Variants in ILRUN observed in about 807,000 individuals in gnomAD.
ILRUN encodes the protein inflammation and lipid regulator with UBA-like and NBR1-like domains.
ILRUN carries 3 observed loss-of-function variants against 33.8 expected under a neutral mutation model. The observed-to-expected ratio is 0.09, with a 90% confidence interval of 0.04 to 0.23. The LOEUF is 0.23. Among genes scored for constraint, ILRUN ranks in the 10% least tolerant of loss-of-function variants. The pLI, the probability that ILRUN is intolerant of heterozygous loss-of-function variation, is 1.00. For synonymous variants in ILRUN, 124 were observed against 138.9 expected (o/e 0.89, Z 0.75); for missense variants, 210 against 375.1 (o/e 0.56, Z 3.64).
intron 3 of ILRUN, among the ~76,000 whole-genome samples, chr6:34,633,844 G>A (rs1302125983): frequency 7.2e-6 from 1 of 138,232 alleles, no homozygotes; most frequent in Non-Finnish European, 1.6e-5. Flanking sequence ...GAGAGGGGAG[G>A]GGAGAGGAGG....
intron 3 of ILRUN, among the ~76,000 whole-genome samples, chr6:34,630,046 C>T (rs1243795560): frequency 6.6e-6 from 1 of 152,142 alleles, no homozygotes; most frequent in Non-Finnish European, 1.5e-5. Context: ...TATCACTACT[C>T]TTGCATTTTG....
intron 3 of ILRUN, among the ~76,000 whole-genome samples, chr6:34,611,767 G>A (rs924230723): frequency 6.6e-6 from 1 of 152,174 alleles, no homozygotes; most frequent in Non-Finnish European, 1.5e-5. Context: ...TAAAAAATCT[G>A]AAGTCTAGAG....
chr6:34,656,048 C>T (rs1762764678), intron 1 of ILRUN, among the ~76,000 whole-genome samples: 1 of 151,960 alleles, frequency 6.6e-6, no homozygotes, highest in Non-Finnish European at 1.5e-5. Flanking sequence ...GCCTGGCCAA[C>T]ATAGTGAAAC....
At chr6:34,614,428 T>TAAAAAAA (rs1457803034) in intron 3 of ILRUN, among the ~76,000 whole-genome samples, 1 of 109,054 alleles carries the variant, frequency 9.2e-6, no homozygotes, top group African/African-American at 4.4e-5. Flanking sequence ...TCTCAAAAAA[T>TAAAAAAA]AATAAAAAAA....
intron 3 of ILRUN, among the ~76,000 whole-genome samples, chr6:34,615,752 G>A (rs1440640906): frequency 6.6e-6 from 1 of 152,168 alleles, no homozygotes; most frequent in Non-Finnish European, 1.5e-5. Context: ...AAGTCCTTTA[G>A]AAGCCTCAAA....
At chr6:34,662,278 C>G (rs1379821233) in intron 1 of ILRUN, among the ~76,000 whole-genome samples, 1 of 146,648 alleles carries the variant, frequency 6.8e-6, no homozygotes, top group South Asian at 2.2e-4. Flanking sequence ...TGCACTCCAG[C>G]CTGGGTGACA....
chr6:34,611,078 CCTTT>C (rs754299089), intron 3 of ILRUN, among the ~76,000 whole-genome samples: 35 of 141,882 alleles, frequency 2.5e-4, no homozygotes, highest in South Asian at 1.7e-3. Flanking sequence ...CCTCTCCTTT[CCTTT>C]CTTTCTTTCT....
intron 1 of ILRUN, among the ~76,000 whole-genome samples, chr6:34,687,866 G>C (rs1047339921): frequency 3.3e-5 from 5 of 151,858 alleles, no homozygotes; most frequent in Admixed American, 2.6e-4. Context: ...TCGTGGAAAA[G>C]AGTTTGGTGA....
chr6:34,647,179 G>T (rs1054917005), intron 2 of ILRUN, among the ~76,000 whole-genome samples: 1 of 152,160 alleles, frequency 6.6e-6, no homozygotes, highest in African/African-American at 2.4e-5. Context: ...CTACTAAAAG[G>T]TAACACATGT....
intron 1 of ILRUN, among the ~76,000 whole-genome samples, chr6:34,691,174 C>G (rs1763642858): frequency 6.6e-6 from 1 of 152,150 alleles, no homozygotes; most frequent in Non-Finnish European, 1.5e-5. Context: ...AGGTGTGAGC[C>G]ACTGCACCTG....
At chr6:34,680,701 C>T (rs1299884058) in intron 1 of ILRUN, among the ~76,000 whole-genome samples, 2 of 152,136 alleles carry the variant, frequency 1.3e-5, no homozygotes, top group Non-Finnish European at 2.9e-5. Flanking sequence ...GATCTGCCTG[C>T]CTCGGCCTCC....
At chr6:34,663,093 C>CA (rs1162304803) in intron 1 of ILRUN, among the ~76,000 whole-genome samples, 15 of 148,370 alleles carry the variant, frequency 1.0e-4, no homozygotes, top group Admixed American at 2.7e-4. Flanking sequence ...GATCCTGTCT[C>CA]AAAAAAAAAG....
At chr6:34,685,066 T>G (rs1763485125) in intron 1 of ILRUN, among the ~76,000 whole-genome samples, 2 of 152,130 alleles carry the variant, frequency 1.3e-5, no homozygotes. Flanking sequence ...AGAAAACCGA[T>G]TTGGACTATG....
intron 1 of ILRUN, among the ~76,000 whole-genome samples, chr6:34,674,398 A>C (rs1300817210): frequency 6.6e-6 from 1 of 152,230 alleles, no homozygotes; most frequent in East Asian, 1.9e-4. Context: ...TATATGAGAA[A>C]GCTGAGGCAC....
rs925993098 is a variant in ILRUN at position 34,592,673 on chromosome 6, T to C, written c.862-2073A>G. ...ACTGCGCCTGGCCTTTGCCATTACT[T>C]TTAATGGCAAAAAATGCAGTTAACT... On this transcript the variant is annotated intron_variant, in intron 4 of 4. Coordinates refer to ENST00000374023, the MANE Select transcript of ILRUN (RefSeq NM_024294.4). This position sits in a 1 kb window ranked among gnomAD's most constrained non-coding sequence, Gnocchi z 4.0. Among the ~76,000 whole-genome samples, 11 of 152,218 alleles carry C rather than the reference T, an allele frequency of 7.2e-5. No homozygotes were observed. Among genetic ancestry groups the C allele is most frequent in the Admixed American group, 3.3e-4 (5 of 15,290 alleles).
At chr6:34,677,371 T>C (rs1562029566) in intron 1 of ILRUN, among the ~76,000 whole-genome samples, 2 of 151,664 alleles carry the variant, frequency 1.3e-5, no homozygotes, top group African/African-American at 4.8e-5. Context: ...TTTATAATAG[T>C]GAAAAAAACA....
chr6:34,690,414 T>C (rs531940895), intron 1 of ILRUN, among the ~76,000 whole-genome samples: 4 of 151,984 alleles, frequency 2.6e-5, no homozygotes, highest in Non-Finnish European at 5.9e-5. Context: ...TGAGCCAAGA[T>C]TGCGCCACTG....
At chr6:34,656,387 C>G (rs1762772553) in intron 1 of ILRUN, among the ~76,000 whole-genome samples, 1 of 152,118 alleles carries the variant, frequency 6.6e-6, no homozygotes, top group Non-Finnish European at 1.5e-5. Context: ...TGAGCAGAAG[C>G]GCGTGATTGT....
chr6:34,653,995 G>A (rs557976370), intron 2 of ILRUN, among the ~76,000 whole-genome samples: 3 of 148,258 alleles, frequency 2.0e-5, no homozygotes, highest in East Asian at 2.0e-4. Flanking sequence ...AAAAAGTGCT[G>A]GGATTCTGTG....
Sources: gnomAD v4.1 joint callset for allele counts (sites outside exome capture counted in the v4.1 genomes callset) on GRCh38, gnomAD v4.1.1 for gene constraint, Gnocchi (gnomAD v3.1) non-coding constraint, MANE v1.5 for transcripts, NCBI Gene and HGNC (gene_info 2026-07-23, HGNC 2026-07-21) for gene names.